LOXHD1: variants seen among roughly 807,000 people sequenced by gnomAD.
The protein encoded by LOXHD1 is lipoxygenase homology PLAT domains 1.
LOXHD1 carries 205 observed loss-of-function variants against 248.2 expected under a neutral mutation model. The ratio of observed to expected loss-of-function variants is 0.83; its 90% confidence interval spans 0.74 to 0.93. The LOEUF (loss-of-function observed/expected upper bound fraction) is 0.93, where lower values mean the gene tolerates loss of function less well. Ranked by LOEUF, LOXHD1 falls within the 40% of genes least tolerant of loss-of-function variation. The probability of loss-of-function intolerance (pLI) is 0.00; values close to 1 mark genes in which losing one functional copy is unlikely to be tolerated. For synonymous variants in LOXHD1, 1,113 were observed against 1,162.8 expected, an observed-to-expected ratio of 0.96 and a Z score of 0.87; for missense variants, 2,930 against 2,971.6, an observed-to-expected ratio of 0.99 and a Z score of 0.33.
At position 46,560,349 on chromosome 18, in the gene LOXHD1, AGCC is replaced by A. The variant is rs1309533687; in HGVS notation, c.2792_2794del (p.Arg931del). 2.6e-6 allele frequency: 4 copies of A among 1,551,838 alleles called. No individual in the cohort carries two copies. Among genetic ancestry groups the A allele is most frequent in the Non-Finnish European group, 3.5e-6 (4 of 1,147,530 alleles). On this transcript the variant is annotated inframe_deletion, in exon 19 of 41. Transcript: ENST00000642948. The stretch of plus-strand genomic sequence containing the variant: ...CTTCTTCCTCTGCAGCTTGGCCTTC[AGCC>A]GCTCCTTCTTGAGCAGCTGCCGCAG...
At chr18:46,522,713 T>C (rs1157630373) in intron 31 of LOXHD1, among the ~76,000 whole-genome samples, 3 of 152,174 alleles carry the variant, frequency 2.0e-5, no homozygotes, top group Non-Finnish European at 4.4e-5. Flanking sequence ...AAGCAAGGTC[T>C]CATAGAAAGA....
rs531508329 is a variant in LOXHD1 at position 46,656,950 on chromosome 18, C to A, written c.84G>T (p.Ser28=). 22 of 1,551,628 alleles carry A rather than the reference C, an allele frequency of 1.4e-5. No homozygotes were observed. In the South Asian group the frequency reaches 2.1e-4, roughly 15 times the overall value. ...LYEAELLNYA[S]EDDEGELEHE... ...GTTCCAGCTCCCCCTCGTCGTCCTC[C>A]GAGGCGTAGTTCAGCAGCTCCGCTT... Residue 28 remains serine, a synonymous_variant, in exon 1 of 41, where the codon TCG becomes TCT. Coordinates refer to ENST00000642948, the MANE Select transcript of LOXHD1 (RefSeq NM_001384474.1).
chr18:46,522,916 C>T (rs536448735), intron 31 of LOXHD1, among the ~76,000 whole-genome samples: 1 of 152,026 alleles, frequency 6.6e-6, no homozygotes, highest in East Asian at 1.9e-4. Context: ...TGGAAGGAGA[C>T]ATTGTTGGGT....
Position 46,557,505 on chromosome 18 carries a change from G to C in LOXHD1, c.3217-16C>G. Reference sequence around the variant, plus strand: ...AGGTGTCTGTCTGGGAAGGGCCAGGGAACACTCAGTGGGGTAAGACCTACC... The same window carrying C: ...AGGTGTCTGTCTGGGAAGGGCCAGGCAACACTCAGTGGGGTAAGACCTACC... On this transcript the variant is annotated splice_polypyrimidine_tract_variant and intron_variant, in intron 20 of 40. Coordinates refer to ENST00000642948, the MANE Select transcript of LOXHD1 (RefSeq NM_001384474.1). The C allele has an allele frequency of 6.4e-7, 1 of 1,551,768 alleles. No homozygotes were observed. The highest frequency in any genetic ancestry group is 8.7e-7 in the Non-Finnish European group (1 of 1,147,016).
intron 2 of LOXHD1, among the ~76,000 whole-genome samples, chr18:46,648,558 G>T (rs1380025823): frequency 6.6e-6 from 1 of 152,182 alleles, no homozygotes; most frequent in Non-Finnish European, 1.5e-5. Flanking sequence ...CTCAGGTTTT[G>T]CATGTATGTT....
In LOXHD1 at chr18:46,489,042, C is replaced by T. The variant is rs1402378599; in HGVS notation, c.5979G>A (p.Glu1993=). 9.0e-6 allele frequency: 14 copies of T among 1,551,608 alleles called. No individual in the cohort carries two copies. The highest frequency in any genetic ancestry group is 2.0e-5 in the Admixed American group (1 of 50,990). Residue 1993 remains glutamate (E), a synonymous_variant, in exon 38 of 41, where the codon GAG becomes GAA. Transcript: ENST00000642948. ...AGTCGCGGACCGTCTGCCCGTCACCCTCACTCTTGGAGAGCCAGCAGTCAC... is the reference window on the plus strand; with the variant it reads ...AGTCGCGGACCGTCTGCCCGTCACCTTCACTCTTGGAGAGCCAGCAGTCAC... The part of the protein sequence containing the change: ...FQCDCWLSKS[E]GDGQTVRDFA...
rs1283767907 is a variant in LOXHD1 at position 46,594,450 on chromosome 18, G to A, written c.1151C>T (p.Pro384Leu). 3.9e-6 allele frequency: 6 copies of A among 1,551,448 alleles called. No individual in the cohort carries two copies. The East Asian group carries it at 1.5e-4, about 38-fold the overall frequency. The stretch of plus-strand genomic sequence containing the variant: ...GAAGGTCTGCTGGATACCAGTGAAG[G>A]GGCACAGAATCACCACCTGGGGAGA... ...WFCEKVVILC[P>L]FTGIQQTFPC... Residue 384 changes from proline (P) to leucine (L), a missense_variant, in exon 9 of 41, where the codon CCC becomes CTC. Physicochemically the swap from Pro to Leu is moderately conservative, Grantham distance 98 (BLOSUM62 -3). Transcript: ENST00000642948.
At chr18:46,646,225 A>G (rs569655809) in intron 2 of LOXHD1, among the ~76,000 whole-genome samples, 7 of 152,124 alleles carry the variant, frequency 4.6e-5, no homozygotes, top group Non-Finnish European at 1.0e-4. Flanking sequence ...ACCAGTGGAT[A>G]TTCTCAGCCA....
At chr18:46,560,048 T>TCCTTGCCCCCCCCCCC in intron 19 of LOXHD1, 35 bp downstream of exon 19, 1 of 1,226,296 alleles carries the variant, frequency 8.2e-7, no homozygotes. Context: ...GTCTGGCCAC[T>TCCTTGCCCCCCCCCCC]CCCTCCCCAC....
In LOXHD1 at chr18:46,507,678, G is replaced by C; in HGVS notation, c.5552C>G (p.Thr1851Ser). 5 of 1,551,720 alleles carry C rather than the reference G, an allele frequency of 3.2e-6. No individual in the cohort carries two copies. Among genetic ancestry groups the C allele is most frequent in the Non-Finnish European group, 4.4e-6 (5 of 1,146,990 alleles). ...CAGCCAGTCTCCATAGTAGAACATG[G>C]TCAGGTCTCCAGTGTTCATGTTCTT... ...LLKNMNTGDL[T>S]MFYYGDWLSQ... The change falls in exon 36 of 41, where the codon ACC (threonine) becomes AGC (serine). Residue 1851 changes from threonine (T) to serine (S), a missense_variant. Thr to Ser is a moderately conservative substitution (Grantham distance 58, BLOSUM62 1). Coordinates refer to ENST00000642948, the MANE Select transcript of LOXHD1 (RefSeq NM_001384474.1).
intron 21 of LOXHD1, among the ~76,000 whole-genome samples, chr18:46,553,450 C>T (rs748280153): frequency 2.0e-5 from 3 of 152,220 alleles, no homozygotes; most frequent in Non-Finnish European, 2.9e-5. Context: ...ATCAGGGTTC[C>T]TTTCTTCAAA....
At chr18:46,627,271 G>A (rs576263929) in intron 4 of LOXHD1, among the ~76,000 whole-genome samples, 52 of 152,322 alleles carry the variant, frequency 3.4e-4, no homozygotes, top group African/African-American at 1.2e-3. Flanking sequence ...GCCAGTGAGA[G>A]AGAATAGACA....
intron 21 of LOXHD1, chr18:46,556,916 C>T (rs477527): frequency 3.0e-6 from 1 of 330,308 alleles, no homozygotes; most frequent in South Asian, 4.1e-5. Flanking sequence ...CCCTCACCCT[C>T]CAATGTCATC....
rs993654426 is a variant in LOXHD1 at position 46,534,364 on chromosome 18, C to T, written c.4183G>A (p.Asp1395Asn). 1.3e-6 allele frequency: 2 copies of T among 1,551,482 alleles called. No individual in the cohort carries two copies. Among genetic ancestry groups the T allele is most frequent in the Admixed American group, 2.0e-5 (1 of 50,988 alleles). ...MNPGWHCSHV[D>N]IRRLLPDKDG... ...TTATCCGGGAGGAGCCTGCGGATGT[C>T]CACGTGAGAGCAGTGCCACCCAGGA... The change falls in exon 27 of 41, where the codon GAC becomes AAC. Residue 1395 changes from aspartate to asparagine, a missense_variant. Physicochemically the swap from Asp to Asn is conservative, Grantham distance 23. Coordinates refer to ENST00000642948, the MANE Select transcript of LOXHD1 (RefSeq NM_001384474.1).
In LOXHD1 at chr18:46,637,090, G is replaced by A. The variant is rs530718987; in HGVS notation, c.511+2526C>T. ...GAACCCGGGAGGTGGAGGGTGAAGTGAGCCGAGATCGTGCCATTGCACTCC... is the reference window on the plus strand; with the variant it reads ...GAACCCGGGAGGTGGAGGGTGAAGTAAGCCGAGATCGTGCCATTGCACTCC... On this transcript the variant is annotated intron_variant, in intron 4 of 40. Transcript: ENST00000642948. Among the ~76,000 whole-genome samples, 5 of 152,348 alleles carry A rather than the reference G, an allele frequency of 3.3e-5. No homozygotes were observed. The South Asian group carries it at 1.0e-3, about 32-fold the overall frequency.
intron 2 of LOXHD1, 37 bp from the exon 3 acceptor site, chr18:46,642,073 T>C: frequency 6.5e-7 from 1 of 1,540,880 alleles, no homozygotes; most frequent in East Asian, 2.5e-5. Flanking sequence ...AGATCAGCTG[T>C]TGGCTCACAG....
Position 46,655,384 on chromosome 18 carries a change from C to A in LOXHD1, c.130+1520G>T, listed in dbSNP as rs140686360. The stretch of plus-strand genomic sequence containing the variant: ...AACGATCATTATGGCCACACTGAGG[C>A]ATGCAGAGCCCGTAAACAGAAGTCA... On this transcript the variant is annotated intron_variant, in intron 1 of 40. Coordinates refer to ENST00000642948, the MANE Select transcript of LOXHD1 (RefSeq NM_001384474.1). 9.8e-5 allele frequency among the ~76,000 whole-genome samples: 15 copies of A among 152,310 alleles called. No individual in the cohort carries two copies. The East Asian group carries it at 2.9e-3, about 29-fold the overall frequency.
At chr18:46,581,761 C>T (rs2037967715) in intron 12 of LOXHD1, among the ~76,000 whole-genome samples, 2 of 152,272 alleles carry the variant, frequency 1.3e-5, no homozygotes, top group African/African-American at 4.8e-5. Context: ...TATAGTCAAA[C>T]TGTTGAGAGC....
In LOXHD1 at chr18:46,496,940, T is replaced by G. The variant is rs546481490; in HGVS notation, c.5879-7798A>C. 1.5e-3 allele frequency among the ~76,000 whole-genome samples: 227 copies of G among 152,264 alleles called. 4 individuals carry two copies. Among genetic ancestry groups the G allele is most frequent in the African/African-American group, 5.3e-3 (219 of 41,556 alleles). ...ATCACTTGAACCTGGGAGGCAGAGG[T>G]TGCAGTGAGCAGAGATGGCCCCACT... On this transcript the variant is annotated intron_variant, in intron 37 of 40. Coordinates refer to ENST00000642948, the MANE Select transcript of LOXHD1 (RefSeq NM_001384474.1).
Sources: allele counts gnomAD v4.1 joint callset (sites outside exome capture counted in the v4.1 genomes callset), GRCh38; gene constraint gnomAD v4.1.1; transcripts MANE v1.5; gene names NCBI Gene and HGNC (gene_info 2026-07-23, HGNC 2026-07-21).